Variants in RAP1GAP observed in about 807,000 individuals in gnomAD.
The protein encoded by RAP1GAP is rap1 GTPase-activating protein 1.
A neutral mutation model predicts 87.2 loss-of-function variants in RAP1GAP; 35 were observed. The ratio of observed to expected loss-of-function variants is 0.40; its 90% CI spans 0.31 to 0.53. RAP1GAP has a LOEUF of 0.53. Among genes scored for constraint, RAP1GAP ranks in the 20% least tolerant of loss-of-function variants. The pLI, the probability that RAP1GAP is intolerant of heterozygous loss-of-function variation, is 0.48. For missense variants in RAP1GAP, 734 were observed against 898.9 expected (o/e 0.82, Z 2.35); for synonymous variants, 375 against 363.9 (o/e 1.03, Z -0.35).
intron 13 of RAP1GAP, 68 bp from the exon 14 acceptor site, chr1:21,610,343 G>A (rs955524296): frequency 2.7e-5 from 42 of 1,568,302 alleles, no homozygotes; most frequent in Middle Eastern, 1.7e-4. Flanking sequence ...GGGTGCCCAC[G>A]GGGGTTTAGG....
intron 3 of RAP1GAP, among the ~76,000 whole-genome samples, chr1:21,624,862 T>C (rs2091200160): frequency 6.6e-6 from 1 of 151,682 alleles, no homozygotes; most frequent in African/African-American, 2.4e-5. Context: ...CTCTCTCGTC[T>C]CCTGATGGGA....
intron 2 of RAP1GAP, among the ~76,000 whole-genome samples, chr1:21,642,719 G>C (rs140536789): frequency 6.6e-6 from 1 of 152,244 alleles, no homozygotes; most frequent in African/African-American, 2.4e-5. Flanking sequence ...GGCCTACAGG[G>C]ACATGATCTG....
intron 1 of RAP1GAP, among the ~76,000 whole-genome samples, chr1:21,663,024 C>CA (rs1045869897): frequency 9.9e-5 from 15 of 152,230 alleles, no homozygotes; most frequent in African/African-American, 3.6e-4. Context: ...GCCCACTTCC[C>CA]ACCCTGACTG....
At chr1:21,647,820 C>T (rs186759840) in intron 2 of RAP1GAP, among the ~76,000 whole-genome samples, 23 of 152,286 alleles carry the variant, frequency 1.5e-4, no homozygotes, top group African/African-American at 5.3e-4. Context: ...AAACACCCAA[C>T]AAATGGTGAC....
chr1:21,619,137 C>G, intron 4 of RAP1GAP, 65 bp from the exon 5 acceptor site: 1 of 1,497,492 alleles, frequency 6.7e-7, no homozygotes, highest in Non-Finnish European at 9.1e-7. Flanking sequence ...CTCCCCTCCC[C>G]AAGGCGTGCA....
At chr1:21,635,397 CTCAG>C (rs1423071790) in intron 2 of RAP1GAP, among the ~76,000 whole-genome samples, 2 of 152,196 alleles carry the variant, frequency 1.3e-5, no homozygotes, top group Non-Finnish European at 2.9e-5. Context: ...CATTCCTCTG[CTCAG>C]TCATTCATTC....
Position 21,669,283 on chromosome 1 carries a change from C to G in RAP1GAP, c.-178G>C. 1 of 1,199,280 alleles carries G rather than the reference C, an allele frequency of 8.3e-7. No homozygotes were observed. Among genetic ancestry groups the G allele is most frequent in the Non-Finnish European group, 1.0e-6 (1 of 953,822 alleles). 74.3% of individuals were successfully genotyped at this position (1,199,280 alleles called of 1,614,324 possible). A position where few individuals can be genotyped will look rare whatever the true frequency, so the allele number is the denominator to read the frequency against. The stretch of plus-strand genomic sequence containing the variant: ...GGGCCTGGGCCGGGGGCGTCCTGGG[C>G]TCGGCACTCTGGTGCCCGCGGCCGC... On this transcript the variant is annotated 5_prime_UTR_variant, in exon 1 of 25. Coordinates refer to ENST00000374765, the MANE Select transcript of RAP1GAP (RefSeq NM_002885.4). This position sits in a 1 kb window ranked among gnomAD's most constrained non-coding sequence, Gnocchi z 5.6.
intron 18 of RAP1GAP, 82 bp from the exon 19 acceptor site, chr1:21,602,995 G>T: frequency 1.0e-6 from 1 of 998,526 alleles, no homozygotes; most frequent in Non-Finnish European, 1.5e-6. Context: ...GGATCCTGCT[G>T]CCCCAGGCCC....
intron 1 of RAP1GAP, among the ~76,000 whole-genome samples, chr1:21,666,989 G>A (rs2097375458): frequency 1.3e-5 from 2 of 151,990 alleles, no homozygotes; most frequent in African/African-American, 2.4e-5. Flanking sequence ...TCGGGGGCAG[G>A]GGTCTTGGCC....
At chr1:21,611,369 G>T in intron 13 of RAP1GAP, 83 bp downstream of exon 13, 1 of 1,511,700 alleles carries the variant, frequency 6.6e-7, no homozygotes. Flanking sequence ...CCAGCGCTGA[G>T]CCTGGCGTGA....
intron 2 of RAP1GAP, among the ~76,000 whole-genome samples, chr1:21,638,175 A>T (rs1461945535): frequency 1.4e-5 from 2 of 146,396 alleles, no homozygotes; most frequent in Admixed American, 1.4e-4. Context: ...AAAGAAAAAA[A>T]GGCCGGGCAT....
chr1:21,651,424 G>GCACA, intron 1 of RAP1GAP: 1 of 565,138 alleles, frequency 1.8e-6, no homozygotes, highest in South Asian at 1.4e-5. Context: ...ACACACGCAT[G>GCACA]CACACACACG....
intron 23 of RAP1GAP, 107 bp downstream of exon 23, chr1:21,597,854 G>A (rs1646039592): frequency 2.7e-6 from 4 of 1,499,280 alleles, no homozygotes; most frequent in Admixed American, 1.9e-5. Context: ...TGGCCTAGCG[G>A]GGCCTAGGGG....
intron 1 of RAP1GAP, among the ~76,000 whole-genome samples, chr1:21,652,354 GTTCA>G (rs2096643944): frequency 6.6e-6 from 1 of 152,216 alleles, no homozygotes; most frequent in Admixed American, 6.5e-5. Context: ...GACGAAATGA[GTTCA>G]CGCACGTAAA....
intron 20 of RAP1GAP, among the ~76,000 whole-genome samples, chr1:21,600,767 C>T (rs889388277): frequency 2.0e-5 from 3 of 149,468 alleles, no homozygotes; most frequent in Non-Finnish European, 4.4e-5. Flanking sequence ...CACCTGTAGT[C>T]CCAGCTACTT....
chr1:21,631,425 C>T (rs1022236537), intron 2 of RAP1GAP, among the ~76,000 whole-genome samples: 1 of 152,246 alleles, frequency 6.6e-6, no homozygotes, highest in Middle Eastern at 3.2e-3. Context: ...GTGGCTCACA[C>T]CTGTAATCCC....
chr1:21,648,358 C>A (rs2096266871), intron 2 of RAP1GAP, among the ~76,000 whole-genome samples: 1 of 152,228 alleles, frequency 6.6e-6, no homozygotes, highest in Non-Finnish European at 1.5e-5. Context: ...TTCGTTCAGA[C>A]CCTCCCTGTG....
chr1:21,657,446 G>A lies in RAP1GAP; in HGVS notation c.-148-7650C>T, dbSNP rs79814852. ...AGATGTGTACACACCTCACAAACAC[G>A]CATGGAGCATCCAGCTAACTACTGG... On this transcript the variant is annotated intron_variant, in intron 1 of 24. Transcript: ENST00000374765. 5.0e-3 allele frequency among the ~76,000 whole-genome samples: 761 copies of A among 152,326 alleles called. 5 individuals carry two copies. The highest frequency in any genetic ancestry group is 0.017 in the African/African-American group (708 of 41,570).
At chr1:21,601,660 G>GCCCCCAAA in intron 20 of RAP1GAP, 24 bp downstream of exon 20, 1 of 1,551,830 alleles carries the variant, frequency 6.4e-7, no homozygotes. Flanking sequence ...AAGCCCCCAA[G>GCCCCCAAA]CCCCACGTGC....
Sources: gnomAD v4.1 joint callset for allele counts (sites outside exome capture counted in the v4.1 genomes callset) on GRCh38, gnomAD v4.1.1 for gene constraint, Gnocchi (gnomAD v3.1) non-coding constraint, MANE v1.5 for transcripts, NCBI Gene and HGNC (gene_info 2026-07-23, HGNC 2026-07-21) for gene names.